Variants in ANKRD30A observed in about 807,000 individuals in gnomAD.
ANKRD30A encodes the protein ankyrin repeat domain-containing protein 30A.
Under a neutral mutation model 166.3 loss-of-function variants are expected in ANKRD30A, and 170 were observed. The observed-to-expected ratio is 1.02, with a 90% CI of 0.90 to 1.16. The LOEUF (loss-of-function observed/expected upper bound fraction) is 1.16. Among genes scored for constraint, ANKRD30A ranks in the 50% most tolerant of loss-of-function variants. The pLI is 0.00. For missense variants in ANKRD30A, 1,630 were observed against 1,518.0 expected, an observed-to-expected ratio of 1.07 and a Z score of -1.23; for synonymous variants, 564 against 508.9, an observed-to-expected ratio of 1.11 and a Z score of -1.46.
At chr10:37,226,699 G>A (rs909288868) in intron 34 of ANKRD30A, among the ~76,000 whole-genome samples, 2 of 151,816 alleles carry the variant, frequency 1.3e-5, no homozygotes, top group Non-Finnish European at 2.9e-5. Context: ...CATGTCTCTT[G>A]GGTGTATACT....
chr10:37,158,617 A>G, intron 15 of ANKRD30A, 31 bp downstream of exon 15: 1 of 1,607,626 alleles, frequency 6.2e-7, no homozygotes, highest in Non-Finnish European at 8.5e-7. Flanking sequence ...TTTACTCTGG[A>G]AAGGAGAATA....
Position 37,218,992 on chromosome 10 carries a change from C to A in ANKRD30A, c.3280C>A (p.His1094Asn). The part of the protein sequence containing the change: ...ESNLNQVSHT[H>N]ENENYLLHEN... ...TTGTTTTATTTAGGTTTCTCACACTCATGAAAATGAAAATTATCTCTTACA... is the reference window on the plus strand; with the variant it reads ...TTGTTTTATTTAGGTTTCTCACACTAATGAAAATGAAAATTATCTCTTACA... The change falls in exon 34 of 36, where the codon CAT (histidine) becomes AAT (asparagine). Residue 1094 changes from histidine (H) to asparagine (N), a missense_variant. By Grantham distance (68) the His-to-Asn change is moderately conservative (BLOSUM62 1). Transcript: ENST00000361713. The A allele has an allele frequency of 6.3e-7, 1 of 1,582,854 alleles. No individual in the cohort carries two copies. Among genetic ancestry groups the A allele is most frequent in the South Asian group, 1.2e-5 (1 of 85,454 alleles).
chr10:37,259,853 G>C, the ANKRD30A span, among the ~76,000 whole-genome samples: 4 of 152,132 alleles, frequency 2.6e-5, no homozygotes, highest in Non-Finnish European at 4.4e-5. Flanking sequence ...AGGGGGCTCC[G>C]GGTGTTTGTA....
At chr10:37,178,563 G>C (rs1481319226) in intron 24 of ANKRD30A, 1 of 979,200 alleles carries the variant, frequency 1.0e-6, no homozygotes, top group Non-Finnish European at 1.2e-6. Flanking sequence ...CAACTGGATA[G>C]AAGGTCAGGA....
At chr10:37,197,599 A>T (rs1327075589) in intron 29 of ANKRD30A, 119 bp downstream of exon 29, 2 of 1,453,192 alleles carry the variant, frequency 1.4e-6, no homozygotes, top group East Asian at 4.7e-5. Context: ...GATCTAGGTA[A>T]TGCCAATACT....
At chr10:37,200,954 G>T (rs1463980255) in intron 30 of ANKRD30A, among the ~76,000 whole-genome samples, 2 of 151,938 alleles carry the variant, frequency 1.3e-5, no homozygotes, top group Admixed American at 6.6e-5. Context: ...AGAGAGATAC[G>T]TTTTGAAATA....
chr10:37,214,863 A>T (rs1367874732), intron 31 of ANKRD30A, among the ~76,000 whole-genome samples: 1 of 150,998 alleles, frequency 6.6e-6, no homozygotes, highest in Non-Finnish European at 1.5e-5. Context: ...TATTTAGCCA[A>T]TTTTTCCTCA....
rs138606756 is a variant in ANKRD30A at position 37,149,360 on chromosome 10, T to G, written c.1544-291T>G. ...GTTTCATTAAGTACGTGGTGTAGCA[T>G]TCCATGTTCAGCTTTGACATTTATT... On this transcript the variant is annotated intron_variant, in intron 9 of 35. Coordinates refer to ENST00000361713, the MANE Select transcript of ANKRD30A (RefSeq NM_052997.3). Among the ~76,000 whole-genome samples the G allele has an allele frequency of 6.8e-3, 1,038 of 152,140 alleles. 7 individuals carry two copies. The highest frequency in any genetic ancestry group is 0.012 in the Non-Finnish European group (810 of 67,908).
intron 13 of ANKRD30A, 64 bp from the exon 14 acceptor site, chr10:37,158,328 T>G: frequency 6.4e-7 from 1 of 1,555,728 alleles, no homozygotes; most frequent in Non-Finnish European, 8.8e-7. Context: ...TCACACTGTG[T>G]GAATGTTCGG....
downstream of ANKRD30A, among the ~76,000 whole-genome samples, chr10:37,234,598 A>T (rs1469718306): frequency 6.6e-6 from 1 of 152,034 alleles, no homozygotes; most frequent in Non-Finnish European, 1.5e-5. Flanking sequence ...CCCTCCAAAA[A>T]TTGTATTATT....
At chr10:37,208,445 C>T (rs369403730) in intron 31 of ANKRD30A, among the ~76,000 whole-genome samples, 3 of 152,202 alleles carry the variant, frequency 2.0e-5, no homozygotes, top group Non-Finnish European at 2.9e-5. Context: ...TATTCTTATC[C>T]GCTTCTGCCA....
rs1331529301 is a variant in ANKRD30A at position 37,195,398 on chromosome 10, A to G, written c.2615-1883A>G. Among the ~76,000 whole-genome samples the G allele has an allele frequency of 2.0e-5, 3 of 152,112 alleles. 1 individual carries two copies. In the East Asian group the frequency reaches 5.8e-4, roughly 29 times the overall value. On this transcript the variant is annotated intron_variant, in intron 27 of 35. Transcript: ENST00000361713. The stretch of plus-strand genomic sequence containing the variant: ...CTTTTCATCTGTTTACATGGGAAGA[A>G]GTAGTTCAGTTTATGGTCTCATTTC...
chr10:37,211,594 A>T (rs1466044578), intron 31 of ANKRD30A, among the ~76,000 whole-genome samples: 5 of 152,150 alleles, frequency 3.3e-5, no homozygotes, highest in Non-Finnish European at 5.9e-5. Context: ...CAATAAACAT[A>T]TGTGTGCATG....
chr10:37,236,361 A>G (rs1231365840), downstream of ANKRD30A, among the ~76,000 whole-genome samples: 1 of 152,184 alleles, frequency 6.6e-6, no homozygotes, highest in Non-Finnish European at 1.5e-5. Flanking sequence ...ATTTCTTCTC[A>G]GACTAAGCTC....
chr10:37,159,911 G>A (rs189172000), intron 15 of ANKRD30A, among the ~76,000 whole-genome samples: 1 of 152,226 alleles, frequency 6.6e-6, no homozygotes, highest in East Asian at 1.9e-4. Flanking sequence ...AGCCAGGATG[G>A]TCTGATCCGG....
chr10:37,141,977 A>G lies in ANKRD30A; in HGVS notation c.1080A>G (p.Glu360=). The change falls in exon 7 of 36, where the codon GAA becomes GAG. Residue 360 remains glutamate (E), a synonymous_variant. Coordinates refer to ENST00000361713, the MANE Select transcript of ANKRD30A (RefSeq NM_052997.3). ...FEQSAEETPR[E]ITSPAKETSE... ...AGTCAGCAGAAGAAACACCTAGGGA[A>G]ATTACGAGTCCTGCAAAAGAAACAT... is the stretch of plus-strand genomic sequence containing the variant. 1.2e-6 allele frequency: 2 copies of G among 1,614,164 alleles called. No homozygotes were observed. Among genetic ancestry groups the G allele is most frequent in the Non-Finnish European group, 1.7e-6 (2 of 1,180,038 alleles).
At chr10:37,246,211 A>G in the ANKRD30A span, among the ~76,000 whole-genome samples, 1 of 152,258 alleles carries the variant, frequency 6.6e-6, no homozygotes, top group African/African-American at 2.4e-5. Flanking sequence ...TTCATTGTGA[A>G]TCAAAGTTCA....
intron 34 of ANKRD30A, among the ~76,000 whole-genome samples, chr10:37,226,672 G>C (rs1843168826): frequency 6.6e-6 from 1 of 151,834 alleles, no homozygotes; most frequent in African/African-American, 2.4e-5. Context: ...ATAAGTTTTT[G>C]TGTTTGCATA....
chr10:37,224,252 A>G (rs1339713304), intron 34 of ANKRD30A, among the ~76,000 whole-genome samples: 1 of 151,228 alleles, frequency 6.6e-6, no homozygotes, highest in Non-Finnish European at 1.5e-5. Flanking sequence ...TCTTGGTAGT[A>G]TGCATATCTG....
Sources: gnomAD v4.1 joint callset for allele counts (sites outside exome capture counted in the v4.1 genomes callset) on GRCh38, gnomAD v4.1.1 for gene constraint, MANE v1.5 for transcripts, NCBI Gene and HGNC (gene_info 2026-07-23, HGNC 2026-07-21) for gene names.